CACNA2D4: variants seen among roughly 807,000 people sequenced by gnomAD.
CACNA2D4 encodes the protein calcium voltage-gated channel auxiliary subunit alpha2delta 4.
CACNA2D4 carries 157 observed loss-of-function variants against 163.8 expected under a neutral mutation model. That is an observed-to-expected ratio of 0.96 (90% CI 0.84 to 1.09). The LOEUF (loss-of-function observed/expected upper bound fraction) is 1.09. CACNA2D4 is among the 50% of genes least tolerant of loss of function. The pLI, the probability that CACNA2D4 is intolerant of heterozygous loss-of-function variation, is 0.00. For missense variants in CACNA2D4, 1,410 were observed against 1,479.9 expected (o/e 0.95, Z 0.78); for synonymous variants, 598 against 586.9 (o/e 1.02, Z -0.27).
At chr12:1,903,877 C>G (rs1476943903) in intron 6 of CACNA2D4, among the ~76,000 whole-genome samples, 1 of 151,964 alleles carries the variant, frequency 6.6e-6, no homozygotes, top group Non-Finnish European at 1.5e-5. Context: ...AGGTATCTAC[C>G]TAAAAGAAAG....
chr12:1,908,248 C>T (rs1031446446), intron 4 of CACNA2D4, among the ~76,000 whole-genome samples: 2 of 152,216 alleles, frequency 1.3e-5, no homozygotes, highest in African/African-American at 4.8e-5. Flanking sequence ...GGCGTGAGGC[C>T]GACGTTTGAT....
intron 6 of CACNA2D4, among the ~76,000 whole-genome samples, chr12:1,888,868 G>A (rs1454298286): frequency 6.6e-6 from 1 of 152,174 alleles, no homozygotes; most frequent in Non-Finnish European, 1.5e-5. Flanking sequence ...CACAGATCTA[G>A]GAAGCACAGC....
In CACNA2D4 at chr12:1,802,763, G is replaced by A. The variant is rs1863383348; in HGVS notation, c.2722-1119C>T. On this transcript the variant is annotated intron_variant, in intron 29 of 37. Coordinates refer to ENST00000382722, the MANE Select transcript of CACNA2D4 (RefSeq NM_172364.5). This position sits in a 1 kb window ranked among gnomAD's most constrained non-coding sequence, Gnocchi z 4.7. ...CCGATTACCCTTCCTCTGTCCTCAT[G>A]CCAAGGAACTTCTTTCCTCACCCTC... 6.6e-6 allele frequency among the ~76,000 whole-genome samples: 1 copy of A among 152,204 alleles called. No individual in the cohort carries two copies. The highest frequency in any genetic ancestry group is 2.4e-5 in the African/African-American group (1 of 41,452).
chr12:1,918,207 G>A (rs1220743173), intron 1 of CACNA2D4, 40 bp downstream of exon 1: 3 of 1,468,842 alleles, frequency 2.0e-6, no homozygotes, highest in Admixed American at 2.0e-5. Flanking sequence ...GTGGGAAAGG[G>A]TGACCGGGTT....
intron 3 of CACNA2D4, 43 bp downstream of exon 3, chr12:1,912,980 G>A (rs1457050414): frequency 7.7e-7 from 1 of 1,300,958 alleles, no homozygotes; most frequent in African/African-American, 1.5e-5. Flanking sequence ...CCTGCGTCAT[G>A]GGGCTGGGGA....
Position 1,831,314 on chromosome 12 carries a change from C to G in CACNA2D4, c.2551+9425G>C, listed in dbSNP as rs200693756. ...TGCTCCGCCACCTGGACCTGTCCAT[C>G]AACGGCCTGGCCCAGTTGCCCCCTG... On this transcript the variant is annotated intron_variant, in intron 26 of 37. Transcript: ENST00000382722. The G allele has an allele frequency of 6.2e-5, 100 of 1,613,858 alleles. 1 individual carries two copies. The East Asian group carries it at 2.2e-3, about 36-fold the overall frequency.
chr12:1,887,715 G>A (rs1866182750), intron 6 of CACNA2D4, among the ~76,000 whole-genome samples: 1 of 152,170 alleles, frequency 6.6e-6, no homozygotes, highest in Non-Finnish European at 1.5e-5. Context: ...TTGTATAGAT[G>A]CACAGAAAAC....
At position 1,828,589 on chromosome 12, in the gene CACNA2D4, C is replaced by T. The variant is rs1864469483; in HGVS notation, c.2551+12150G>A. 6.6e-6 allele frequency among the ~76,000 whole-genome samples: 1 copy of T among 152,228 alleles called. No homozygotes were observed. The highest frequency in any genetic ancestry group is 1.5e-5 in the Non-Finnish European group (1 of 68,030). On this transcript the variant is annotated intron_variant, in intron 26 of 37. Coordinates refer to ENST00000382722, the MANE Select transcript of CACNA2D4 (RefSeq NM_172364.5). This position sits in a 1 kb window ranked among gnomAD's most constrained non-coding sequence, Gnocchi z 4.2. ...GGTGCCTGAGCTTGTCGGCCTGTGT[C>T]ACAGACTGCGGCGAGCCCTTTTGCT...
intron 35 of CACNA2D4, among the ~76,000 whole-genome samples, chr12:1,797,018 G>A (rs1185718735): frequency 6.6e-6 from 1 of 152,228 alleles, no homozygotes; most frequent in Non-Finnish European, 1.5e-5. Context: ...TCCCCACGCA[G>A]CTCAGGCGCG....
chr12:1,862,880 C>T (rs1434549517), intron 18 of CACNA2D4, among the ~76,000 whole-genome samples: 1 of 152,128 alleles, frequency 6.6e-6, no homozygotes, highest in Non-Finnish European at 1.5e-5. Context: ...ACAAGTCTGC[C>T]TGCTTTTTCA....
chr12:1,831,665 C>T (rs1864636929), intron 26 of CACNA2D4: 7 of 708,734 alleles, frequency 9.9e-6, no homozygotes, highest in South Asian at 3.8e-5. Flanking sequence ...TGTGCCAGCT[C>T]GGCTAGAAAA....
At position 1,883,946 on chromosome 12, in the gene CACNA2D4, C is replaced by A; in HGVS notation, c.1351+297G>T. 1 of 435,720 alleles carries A rather than the reference C, an allele frequency of 2.3e-6. No homozygotes were observed. The highest frequency in any genetic ancestry group is 4.2e-6 in the Non-Finnish European group (1 of 240,878). The allele number at this position is 435,720 out of a possible 1,614,324, so 27.0% of individuals were successfully genotyped here. A position where few individuals can be genotyped will look rare whatever the true frequency, so the allele number is the denominator to read the frequency against. On this transcript the variant is annotated intron_variant, in intron 12 of 37. Coordinates refer to ENST00000382722, the MANE Select transcript of CACNA2D4 (RefSeq NM_172364.5). The surrounding 1 kb of genome is among the most constrained non-coding windows in gnomAD (Gnocchi z 4.5). ...CAGAGATAGATGAGGACCATTCACA[C>A]ACAAAACATTATTCCAGAGAAAACA...
chr12:1,908,922 C>A (rs61907996), intron 4 of CACNA2D4, among the ~76,000 whole-genome samples: 8,774 of 145,614 alleles, frequency 0.06, 490 homozygotes, highest in South Asian at 0.13. Flanking sequence ...ACGCCAGGTT[C>A]CTGCACCCCA....
chr12:1,832,857 A>T (rs933363648), intron 26 of CACNA2D4, among the ~76,000 whole-genome samples: 4 of 152,250 alleles, frequency 2.6e-5, no homozygotes, highest in African/African-American at 9.6e-5. Context: ...AAATTAAATA[A>T]TTTTCACAAG....
intron 26 of CACNA2D4, among the ~76,000 whole-genome samples, chr12:1,830,748 T>A (rs188907810): frequency 2.0e-5 from 3 of 152,346 alleles, no homozygotes; most frequent in African/African-American, 7.2e-5. Flanking sequence ...TGTCCATTAA[T>A]ATGGAAGTGG....
intron 24 of CACNA2D4, among the ~76,000 whole-genome samples, chr12:1,845,831 T>C (rs1865132537): frequency 6.6e-6 from 1 of 152,228 alleles, no homozygotes; most frequent in Non-Finnish European, 1.5e-5. Flanking sequence ...AGGGCTGCCC[T>C]GTGCATCATG....
At chr12:1,871,134 T>C (rs1350821418) in intron 18 of CACNA2D4, among the ~76,000 whole-genome samples, 2 of 148,638 alleles carry the variant, frequency 1.3e-5, no homozygotes, top group Non-Finnish European at 3.0e-5. Flanking sequence ...TACACGTGTG[T>C]TGCTGGTGTG....
intron 31 of CACNA2D4, 166 bp downstream of exon 31, chr12:1,800,877 G>A (rs1863296298): frequency 1.6e-6 from 1 of 639,636 alleles, no homozygotes; most frequent in Admixed American, 2.6e-5. Context: ...CTGCCTGGGA[G>A]TGGGACTGAG....
intron 26 of CACNA2D4, among the ~76,000 whole-genome samples, chr12:1,818,134 C>T (rs1164393731): frequency 2.7e-5 from 4 of 146,180 alleles, no homozygotes; most frequent in South Asian, 2.1e-4. Context: ...TTCCCGGCCG[C>T]GACCCCGTCT....
Sources: gnomAD v4.1 joint callset for allele counts (sites outside exome capture counted in the v4.1 genomes callset) on GRCh38, gnomAD v4.1.1 for gene constraint, Gnocchi (gnomAD v3.1) non-coding constraint, MANE v1.5 for transcripts, NCBI Gene and HGNC (gene_info 2026-07-23, HGNC 2026-07-21) for gene names.